BANP: variants seen among roughly 807,000 people sequenced by gnomAD.
BANP encodes BTG3 associated nuclear protein, also known as protein BANP.
Under a neutral mutation model 68.1 loss-of-function variants are expected in BANP, and 11 were observed. That is an observed-to-expected ratio of 0.16 (90% CI 0.10 to 0.27). The LOEUF is 0.27. Among genes scored for constraint, BANP ranks in the 10% least tolerant of loss-of-function variants. The pLI is 1.00. For synonymous variants in BANP, 329 were observed against 303.2 expected (o/e 1.09, Z -0.88); for missense variants, 504 against 722.7 (o/e 0.70, Z 3.47).
chr16:87,994,404 G>A (rs1031498972), intron 4 of BANP, among the ~76,000 whole-genome samples: 19 of 152,248 alleles, frequency 1.2e-4, no homozygotes, highest in Admixed American at 8.5e-4. Context: ...AGCGTGAGGA[G>A]TTAGATCAGG....
chr16:88,045,050 TAAATC>T (rs1329844277), intron 11 of BANP, among the ~76,000 whole-genome samples: 5 of 152,218 alleles, frequency 3.3e-5, no homozygotes, highest in Non-Finnish European at 4.4e-5. Flanking sequence ...CATATTTTGA[TAAATC>T]AAAAGATAAT....
At chr16:88,065,681 G>A (rs1024193636) in intron 12 of BANP, among the ~76,000 whole-genome samples, 1 of 152,192 alleles carries the variant, frequency 6.6e-6, no homozygotes, top group Non-Finnish European at 1.5e-5. Context: ...AAGTGGTGAT[G>A]GTTCCCTCAG....
intron 8 of BANP, among the ~76,000 whole-genome samples, chr16:88,029,935 G>A (rs908553235): frequency 1.3e-5 from 2 of 152,214 alleles, no homozygotes; most frequent in Non-Finnish European, 2.9e-5. Flanking sequence ...GGGTGTTTGG[G>A]GGACTCCAAG....
intron 2 of BANP, among the ~76,000 whole-genome samples, chr16:87,977,126 C>A (rs1164577415): frequency 2.6e-5 from 4 of 152,178 alleles, no homozygotes; most frequent in Non-Finnish European, 4.4e-5. Context: ...TAAAAGCCTA[C>A]TGTGTCAGCC....
intron 2 of BANP, among the ~76,000 whole-genome samples, chr16:87,978,942 A>AT (rs561534748): frequency 2.6e-5 from 4 of 152,306 alleles, no homozygotes; most frequent in Admixed American, 2.6e-4. Flanking sequence ...CTTTTGTCTA[A>AT]AATTGACTAC....
At chr16:88,074,404 C>T (rs1183526909) in intron 13 of BANP, among the ~76,000 whole-genome samples, 1 of 152,080 alleles carries the variant, frequency 6.6e-6, no homozygotes, top group Non-Finnish European at 1.5e-5. Context: ...AGAGTGGGGC[C>T]TGTTCCCTGG....
intron 7 of BANP, among the ~76,000 whole-genome samples, chr16:88,019,171 G>A (rs1188868939): frequency 6.6e-6 from 1 of 152,160 alleles, no homozygotes; most frequent in Non-Finnish European, 1.5e-5. Context: ...TGATTTTCGT[G>A]CCCAGCCCGG....
Position 88,054,643 on chromosome 16 carries a change from C to T in BANP, c.1312-10624C>T, listed in dbSNP as rs368602579. On this transcript the variant is annotated intron_variant, in intron 11 of 13. Coordinates refer to ENST00000682872, the MANE Select transcript of BANP (RefSeq NM_001386991.1). Reference sequence around the variant, plus strand: ...GGGTCAAGTGAATTTCCTGATTATCCTGAGTTGTTTTCTAATCTATCTACT... The same window carrying T: ...GGGTCAAGTGAATTTCCTGATTATCTTGAGTTGTTTTCTAATCTATCTACT... 2.0e-5 allele frequency among the ~76,000 whole-genome samples: 3 copies of T among 152,340 alleles called. No individual in the cohort carries two copies. The East Asian group carries it at 5.8e-4, about 29-fold the overall frequency.
intron 11 of BANP, among the ~76,000 whole-genome samples, chr16:88,058,116 A>G (rs1271334899): frequency 6.7e-6 from 1 of 149,272 alleles, no homozygotes; most frequent in African/African-American, 2.6e-5. Context: ...GGAATCTTTC[A>G]TCTAGAGACT....
Position 88,018,412 on chromosome 16 carries a change from G to A in BANP, c.656-16G>A, listed in dbSNP as rs761973315. The A allele has an allele frequency of 3.7e-6, 6 of 1,605,800 alleles. No individual in the cohort carries two copies. The South Asian group carries it at 5.5e-5, about 15-fold the overall frequency. On this transcript the variant is annotated splice_polypyrimidine_tract_variant and intron_variant, in intron 6 of 13. Transcript: ENST00000682872. This position sits in a 1 kb window ranked among gnomAD's most constrained non-coding sequence, Gnocchi z 7.7. ...TTGAGCCTTGGCCATCTGAGGACCT[G>A]TCTTCTGTTTTTCAGAGGACTACCC...
intron 7 of BANP, among the ~76,000 whole-genome samples, chr16:88,020,563 C>T (rs1267456854): frequency 6.6e-6 from 1 of 152,204 alleles, no homozygotes; most frequent in Non-Finnish European, 1.5e-5. Context: ...TGTGGGGTGT[C>T]GCAGGAGTGT....
At chr16:87,967,982 G>T (rs1255313866) in intron 1 of BANP, among the ~76,000 whole-genome samples, 2 of 148,248 alleles carry the variant, frequency 1.3e-5, no homozygotes, top group African/African-American at 2.4e-5. Context: ...TCGAACTCCC[G>T]ACCTCAGGTG....
At chr16:88,019,816 G>A (rs992970528) in intron 7 of BANP, among the ~76,000 whole-genome samples, 47 of 152,310 alleles carry the variant, frequency 3.1e-4, no homozygotes, top group African/African-American at 1.1e-3. Context: ...GTCAGGAGCA[G>A]TGGGGGAGTG....
chr16:88,065,850 A>G (rs1599061501), intron 12 of BANP, among the ~76,000 whole-genome samples: 1 of 152,132 alleles, frequency 6.6e-6, no homozygotes, highest in Non-Finnish European at 1.5e-5. Flanking sequence ...CGGGAGGCCC[A>G]CAGGATCCCA....
At chr16:87,951,975 C>G (rs368945445) in intron 1 of BANP, among the ~76,000 whole-genome samples, 5 of 152,108 alleles carry the variant, frequency 3.3e-5, no homozygotes, top group Admixed American at 3.3e-4. Context: ...GTGCCTCCTC[C>G]GTGGCTGTGG....
chr16:88,035,465 TCA>T (rs981454309), intron 10 of BANP, 71 bp downstream of exon 10: 2 of 1,417,632 alleles, frequency 1.4e-6, no homozygotes, highest in East Asian at 2.5e-5. Context: ...TTCATCGGTG[TCA>T]CAGTGCGAGG....
At chr16:87,975,577 G>C (rs2061900175) in intron 2 of BANP, among the ~76,000 whole-genome samples, 1 of 149,932 alleles carries the variant, frequency 6.7e-6, no homozygotes, top group Non-Finnish European at 1.5e-5. Flanking sequence ...AATCCCATGT[G>C]CGGCGTCATG....
intron 1 of BANP, chr16:87,969,970 C>T (rs1489354026): frequency 7.2e-6 from 1 of 139,630 alleles, no homozygotes; most frequent in African/African-American, 2.8e-5. Context: ...TGCAGTGGCA[C>T]GGTCTCAGTT....
In BANP at chr16:87,996,858, T is replaced by A. The variant is rs1007161001; in HGVS notation, c.363-7437T>A. Among the ~76,000 whole-genome samples the A allele has an allele frequency of 5.9e-5, 9 of 152,366 alleles. No homozygotes were observed. The East Asian group carries it at 7.7e-4, about 13-fold the overall frequency. ...GGCAAACACAAATCTGTGAAAACAG[T>A]TTAAATACTTCATTTCTCAAGATTT... On this transcript the variant is annotated intron_variant, in intron 4 of 13. Transcript: ENST00000682872.
Sources: gnomAD v4.1 joint callset for allele counts (sites outside exome capture counted in the v4.1 genomes callset) on GRCh38, gnomAD v4.1.1 for gene constraint, Gnocchi (gnomAD v3.1) non-coding constraint, MANE v1.5 for transcripts, NCBI Gene and HGNC (gene_info 2026-07-23, HGNC 2026-07-21) for gene names.